The following ZRANB3 variants were observed in gnomAD, a reference collection of about 807,000 sequenced individuals.
ZRANB3 encodes zinc finger RANBP2-type containing 3.
In ZRANB3, 125 loss-of-function variants were observed where a neutral mutation model predicts 133.8. The observed-to-expected ratio is 0.93, with a 90% CI of 0.81 to 1.08. The LOEUF is 1.08. Ranked by LOEUF, ZRANB3 falls within the 50% of genes least tolerant of loss-of-function variation. ZRANB3 has a pLI of 0.00. For missense variants in ZRANB3, 1,229 were observed against 1,275.5 expected, an observed-to-expected ratio of 0.96 and a Z score of 0.56; for synonymous variants, 387 against 432.7, an observed-to-expected ratio of 0.89 and a Z score of 1.31.
At chr2:135,300,422 A>AT (rs1016672862) in intron 8 of ZRANB3, among the ~76,000 whole-genome samples, 9 of 152,130 alleles carry the variant, frequency 5.9e-5, no homozygotes, top group African/African-American at 2.2e-4. Context: ...CCTCAACATA[A>AT]TTTTTCAAAT....
At chr2:135,511,863 T>G (rs1693474680) in intron 1 of ZRANB3, 10 of 764,146 alleles carry the variant, frequency 1.3e-5, no homozygotes, top group South Asian at 1.2e-4. Context: ...GCAGCATGTC[T>G]GGGGCCTAGT....
intron 2 of ZRANB3, among the ~76,000 whole-genome samples, chr2:135,411,871 C>T (rs1447802843): frequency 3.9e-5 from 6 of 152,060 alleles, no homozygotes; most frequent in African/African-American, 1.5e-4. Context: ...ACGCAATATA[C>T]CTATGTACCA....
intron 13 of ZRANB3, among the ~76,000 whole-genome samples, chr2:135,230,292 C>G (rs1223535890): frequency 6.6e-6 from 1 of 152,206 alleles, no homozygotes; most frequent in African/African-American, 2.4e-5. Flanking sequence ...AATGCCATAT[C>G]ACAGACGTTT....
chr2:135,504,406 A>C lies in ZRANB3; in HGVS notation c.84T>G (p.Phe28Leu), dbSNP rs1195668381. 22 of 1,613,598 alleles carry C rather than the reference A, an allele frequency of 1.4e-5. No homozygotes were observed. Among genetic ancestry groups the C allele is most frequent in the Non-Finnish European group, 1.9e-5 (22 of 1,179,762 alleles). ...GCTTTGCTCTTAGTCTGTCAGGCAA[A>C]AAATCCAGCAGATTATCAGATTCAT... Reference protein sequence around the residue: ...VTNESDNLLDFLPDRLRAKLL... With the variant: ...VTNESDNLLDLLPDRLRAKLL... Residue 28 changes from phenylalanine to leucine, a missense_variant, in exon 2 of 21, where the codon TTT becomes TTG. Transcript: ENST00000264159.
chr2:135,502,611 C>T (rs1035368191), intron 2 of ZRANB3, among the ~76,000 whole-genome samples: 5 of 152,154 alleles, frequency 3.3e-5, no homozygotes, highest in Non-Finnish European at 5.9e-5. Flanking sequence ...AAACCTAAAG[C>T]GTACGTTCTT....
intron 12 of ZRANB3, among the ~76,000 whole-genome samples, chr2:135,233,020 A>G (rs1015056466): frequency 1.3e-5 from 2 of 152,214 alleles, no homozygotes; most frequent in African/African-American, 4.8e-5. Context: ...GTTTCAGCCA[A>G]TGGCAAAGAA....
Position 135,197,233 on chromosome 2 carries a change from A to C in ZRANB3, c.*3109T>G, listed in dbSNP as rs1693446908. Reference sequence around the variant, plus strand: ...AAATGAGACATTATTTTTATAATTTATTTTTGATGTTTGATATCCATGATT... The same window carrying C: ...AAATGAGACATTATTTTTATAATTTCTTTTTGATGTTTGATATCCATGATT... On this transcript the variant is annotated 3_prime_UTR_variant, in exon 21 of 21. Coordinates refer to ENST00000264159, the MANE Select transcript of ZRANB3 (RefSeq NM_032143.4). 1 of 152,182 alleles carries C rather than the reference A, an allele frequency of 6.6e-6. No individual in the cohort carries two copies. The highest frequency in any genetic ancestry group is 1.5e-5 in the Non-Finnish European group (1 of 68,030). 9.4% of individuals were successfully genotyped at this position (152,182 alleles called of 1,614,324 possible).
At chr2:135,287,018 G>A (rs1013050828) in intron 8 of ZRANB3, among the ~76,000 whole-genome samples, 3 of 152,138 alleles carry the variant, frequency 2.0e-5, no homozygotes, top group Non-Finnish European at 2.9e-5. Context: ...AGAAGGGGTT[G>A]TCCAATGTTA....
At chr2:135,489,566 C>A (rs1692284665) in intron 2 of ZRANB3, among the ~76,000 whole-genome samples, 1 of 151,390 alleles carries the variant, frequency 6.6e-6, no homozygotes, top group Non-Finnish European at 1.5e-5. Context: ...AGAGGAGATG[C>A]AGGAGCTCAG....
In ZRANB3 at chr2:135,275,755, C is replaced by A. The variant is rs753216824; in HGVS notation, c.967G>T (p.Ala323Ser). 3.9e-6 allele frequency: 6 copies of A among 1,551,930 alleles called. No homozygotes were observed. The South Asian group carries it at 7.5e-5, about 20-fold the overall frequency. Residue 323 changes from alanine to serine, a missense_variant and splice_region_variant, in exon 9 of 21, where the codon GCA becomes TCA. Transcript: ENST00000264159. Reference protein sequence around the residue: ...RMFKQTAIAKAGAVKDYIKMM... With the variant: ...RMFKQTAIAKSGAVKDYIKMM... ...TTAATATAATCCTTTACAGCACCTG[C>A]CTAAATATTAAAAGGTAAACCTTAT...
chr2:135,255,257 A>AAC (rs761481222), intron 12 of ZRANB3, among the ~76,000 whole-genome samples: 42 of 150,574 alleles, frequency 2.8e-4, no homozygotes, highest in Admixed American at 9.9e-4. Context: ...AAAACAAAAC[A>AAC]ACACACACAC....
chr2:135,418,292 A>T (rs867383596), intron 2 of ZRANB3, among the ~76,000 whole-genome samples: 4 of 152,196 alleles, frequency 2.6e-5, no homozygotes, highest in African/African-American at 9.6e-5. Context: ...TACATGAAGG[A>T]CATGAGCATC....
At chr2:135,424,719 C>G (rs1480160490) in intron 2 of ZRANB3, among the ~76,000 whole-genome samples, 1 of 152,166 alleles carries the variant, frequency 6.6e-6, no homozygotes, top group African/African-American at 2.4e-5. Context: ...GGTGACAGTG[C>G]AAGACTCTAT....
In ZRANB3 at chr2:135,306,820, C is replaced by T. The variant is rs942577964; in HGVS notation, c.966+6669G>A. On this transcript the variant is annotated intron_variant, in intron 8 of 20. Coordinates refer to ENST00000264159, the MANE Select transcript of ZRANB3 (RefSeq NM_032143.4). ...GGTCAGGCTGGTCTCGAACTCCTGA[C>T]CTCAAGTGATCCTCCTGCCTCAGCC... 2.0e-5 allele frequency among the ~76,000 whole-genome samples: 3 copies of T among 151,634 alleles called. No homozygotes were observed. The East Asian group carries it at 5.9e-4, about 30-fold the overall frequency.
intron 2 of ZRANB3, among the ~76,000 whole-genome samples, chr2:135,412,853 T>C (rs1328965918): frequency 6.6e-6 from 1 of 152,174 alleles, no homozygotes; most frequent in Non-Finnish European, 1.5e-5. Flanking sequence ...CATTAGACAC[T>C]AGTTTAATTT....
intron 1 of ZRANB3, among the ~76,000 whole-genome samples, chr2:135,514,544 G>C (rs1406342562): frequency 2.6e-5 from 4 of 152,206 alleles, no homozygotes; most frequent in African/African-American, 9.6e-5. Flanking sequence ...ATTTTGGGCT[G>C]AGATGATGGG....
At chr2:135,414,158 C>A (rs543722462) in intron 2 of ZRANB3, among the ~76,000 whole-genome samples, 1 of 152,034 alleles carries the variant, frequency 6.6e-6, no homozygotes, top group Non-Finnish European at 1.5e-5. Context: ...CACAGACTGG[C>A]AAATTGGATA....
intron 2 of ZRANB3, among the ~76,000 whole-genome samples, chr2:135,461,539 C>G (rs1690765315): frequency 6.6e-6 from 1 of 152,168 alleles, no homozygotes; most frequent in Non-Finnish European, 1.5e-5. Flanking sequence ...CCACTGCACT[C>G]CAGCCTGGTC....
intron 2 of ZRANB3, among the ~76,000 whole-genome samples, chr2:135,459,623 A>T (rs1208676428): frequency 6.6e-6 from 1 of 152,176 alleles, no homozygotes; most frequent in Non-Finnish European, 1.5e-5. Flanking sequence ...AAAAACATAA[A>T]GGTCTAAAAA....
Sources: gnomAD v4.1 joint callset for allele counts (sites outside exome capture counted in the v4.1 genomes callset) on GRCh38, gnomAD v4.1.1 for gene constraint, MANE v1.5 for transcripts, NCBI Gene and HGNC (gene_info 2026-07-23, HGNC 2026-07-21) for gene names.